Variants in PIAS1 observed in about 807,000 individuals in gnomAD.
PIAS1 encodes the protein E3 SUMO-protein ligase PIAS1.
Under a neutral mutation model 71.3 loss-of-function variants are expected in PIAS1, and 6 were observed. The observed-to-expected ratio is 0.08, with a 90% CI of 0.05 to 0.17. The LOEUF is 0.17. PIAS1 is among the 10% of genes least tolerant of loss of function. PIAS1 has a pLI of 1.00. For synonymous variants in PIAS1, 303 were observed against 292.9 expected, an observed-to-expected ratio of 1.03 and a Z score of -0.35; for missense variants, 555 against 793.6, an observed-to-expected ratio of 0.70 and a Z score of 3.61.
At chr15:68,160,394 C>T (rs955188642) in intron 7 of PIAS1, among the ~76,000 whole-genome samples, 2 of 152,134 alleles carry the variant, frequency 1.3e-5, no homozygotes, top group African/African-American at 4.8e-5. Flanking sequence ...ATTACCTTGG[C>T]ACCTTTATCA....
intron 2 of PIAS1, among the ~76,000 whole-genome samples, chr15:68,113,206 C>T (rs1255510212): frequency 2.0e-5 from 3 of 152,004 alleles, no homozygotes; most frequent in Non-Finnish European, 4.4e-5. Flanking sequence ...TATGTGTGCA[C>T]ATACATAGGT....
At chr15:68,085,556 T>C (rs185005943) in intron 1 of PIAS1, among the ~76,000 whole-genome samples, 2 of 152,196 alleles carry the variant, frequency 1.3e-5, no homozygotes, top group African/African-American at 4.8e-5. Context: ...CCTAATGGTT[T>C]AGTGGAAAGA....
intron 1 of PIAS1, among the ~76,000 whole-genome samples, chr15:68,064,200 T>C (rs2140956854): frequency 6.6e-6 from 1 of 152,238 alleles, no homozygotes; most frequent in African/African-American, 2.4e-5. Context: ...TTCATGAAAA[T>C]AAACAAAGTG....
At chr15:68,140,016 CAATT>C (rs1267396347) in intron 2 of PIAS1, among the ~76,000 whole-genome samples, 1 of 152,026 alleles carries the variant, frequency 6.6e-6, no homozygotes, top group East Asian at 1.9e-4. Flanking sequence ...TTTGTAACAG[CAATT>C]AAGCCCAAAA....
chr15:68,165,522 A>G (rs900713832), intron 8 of PIAS1, among the ~76,000 whole-genome samples: 12 of 152,192 alleles, frequency 7.9e-5, no homozygotes, highest in African/African-American at 2.7e-4. Context: ...CATTATAACA[A>G]TTCACCAATT....
intron 2 of PIAS1, among the ~76,000 whole-genome samples, chr15:68,110,749 A>C (rs2092517204): frequency 6.6e-6 from 1 of 152,124 alleles, no homozygotes; most frequent in Admixed American, 6.6e-5. Context: ...CAGAAAAAAA[A>C]AAGGTATTTA....
At position 68,134,361 on chromosome 15, in the gene PIAS1, G is replaced by C. The variant is rs7402452; in HGVS notation, c.470-7585G>C. Among the ~76,000 whole-genome samples, 18 of 31,638 alleles carry C rather than the reference G, an allele frequency of 5.7e-4. 4 individuals are homozygous for C. Among genetic ancestry groups the C allele is most frequent in the Admixed American group, 8.7e-4 (3 of 3,448 alleles). The allele number at this position is 31,638 out of a possible 152,430, so 20.8% of individuals were successfully genotyped here. ...CAGACGAGGCGGCTGGCCGGGCGGG[G>C]GGCTGACCCCCCCACCTCCCTCCCA... On this transcript the variant is annotated intron_variant, in intron 2 of 13. Coordinates refer to ENST00000249636, the MANE Select transcript of PIAS1 (RefSeq NM_016166.3).
In PIAS1 at chr15:68,187,534, C is replaced by T. The variant is rs772103604; in HGVS notation, c.1663-8C>T. On this transcript the variant is annotated splice_region_variant and splice_polypyrimidine_tract_variant and intron_variant, in intron 13 of 13. Transcript: ENST00000249636. This position sits in a 1 kb window ranked among gnomAD's most constrained non-coding sequence, Gnocchi z 5.3. ...AACATTTTTGTGTCTTTTGTTTCCC[C>T]TCCCTAGCATTACAACACCTCCTTG... 5 of 1,609,712 alleles carry T rather than the reference C, an allele frequency of 3.1e-6. No individual in the cohort carries two copies. The South Asian group carries it at 3.3e-5, about 11-fold the overall frequency.
intron 1 of PIAS1, among the ~76,000 whole-genome samples, chr15:68,068,796 C>G (rs1028426041): frequency 6.6e-6 from 1 of 151,702 alleles, no homozygotes; most frequent in African/African-American, 2.4e-5. Context: ...TGTCAATGCT[C>G]TCATCCACGA....
intron 1 of PIAS1, among the ~76,000 whole-genome samples, chr15:68,060,134 CTATT>C (rs2140952539): frequency 6.6e-6 from 1 of 152,216 alleles, no homozygotes; most frequent in South Asian, 2.1e-4. Flanking sequence ...ATTTTATAAT[CTATT>C]CATACTATTC....
chr15:68,140,036 A>G (rs2092759917), intron 2 of PIAS1, among the ~76,000 whole-genome samples: 1 of 152,230 alleles, frequency 6.6e-6, no homozygotes, highest in African/African-American at 2.4e-5. Context: ...CAAAAACTAC[A>G]AAGTGTGAAA....
At chr15:68,102,790 T>C (rs1386796071) in intron 2 of PIAS1, among the ~76,000 whole-genome samples, 1 of 152,210 alleles carries the variant, frequency 6.6e-6, no homozygotes, top group African/African-American at 2.4e-5. Flanking sequence ...TAGACTACCT[T>C]GTTTTCTGCA....
intron 2 of PIAS1, among the ~76,000 whole-genome samples, chr15:68,110,670 A>G (rs564962820): frequency 4.6e-5 from 7 of 151,966 alleles, no homozygotes; most frequent in Admixed American, 6.6e-5. Flanking sequence ...GCTGAGGTGC[A>G]AGGATCACTT....
chr15:68,084,234 C>T (rs766424261), intron 1 of PIAS1, among the ~76,000 whole-genome samples: 2 of 152,092 alleles, frequency 1.3e-5, no homozygotes, highest in Non-Finnish European at 2.9e-5. Context: ...TAGTTCTCTT[C>T]AAAATTTGTA....
chr15:68,160,376 T>A (rs2092917060), intron 7 of PIAS1, among the ~76,000 whole-genome samples: 1 of 152,146 alleles, frequency 6.6e-6, no homozygotes, highest in Non-Finnish European at 1.5e-5. Flanking sequence ...TGTCTTTCCT[T>A]CCATTTCATT....
chr15:68,183,193 T>C (rs1595798106), intron 12 of PIAS1, among the ~76,000 whole-genome samples: 1 of 152,216 alleles, frequency 6.6e-6, no homozygotes, highest in East Asian at 1.9e-4. Context: ...AAATCAGTAC[T>C]ACAACTTACT....
chr15:68,148,677 G>A (rs904216516), intron 6 of PIAS1, among the ~76,000 whole-genome samples: 4 of 152,108 alleles, frequency 2.6e-5, no homozygotes, highest in African/African-American at 7.2e-5. Flanking sequence ...TCCACCTGCC[G>A]TGGCCTCCCC....
chr15:68,054,554 A>C lies in PIAS1; in HGVS notation c.24+204A>C. ...GGCCCCGGGTGCCTCGGGGGCGCTG[A>C]CGGGTCGTCCCCGGCGTGTTATTGT... On this transcript the variant is annotated intron_variant, in intron 1 of 13. Transcript: ENST00000249636. The surrounding 1 kb of genome is among the most constrained non-coding windows in gnomAD (Gnocchi z 4.6). 3 of 480,500 alleles carry C rather than the reference A, an allele frequency of 6.2e-6. No homozygotes were observed. The highest frequency in any genetic ancestry group is 1.1e-5 in the Non-Finnish European group (3 of 272,010). 29.8% of individuals were successfully genotyped at this position (480,500 alleles called of 1,614,324 possible).
rs199770335 is a variant in PIAS1, at chr15:68,090,573, GT to G, written c.469+3827del. ...TAAACATTTATTAGCTCTCCAACTC[GT>G]TTTAATGCAGTAGATGGAATCTTTT... On this transcript the variant is annotated intron_variant, in intron 2 of 13. Transcript: ENST00000249636. Among the ~76,000 whole-genome samples the G allele has an allele frequency of 6.1e-3, 930 of 152,190 alleles. 4 individuals carry two copies. The highest frequency in any genetic ancestry group is 0.032 in the East Asian group (167 of 5,184).
Sources: gnomAD v4.1 joint callset for allele counts (sites outside exome capture counted in the v4.1 genomes callset) on GRCh38, gnomAD v4.1.1 for gene constraint, Gnocchi (gnomAD v3.1) non-coding constraint, MANE v1.5 for transcripts, NCBI Gene and HGNC (gene_info 2026-07-23, HGNC 2026-07-21) for gene names.